Variants in GTPBP4 observed in about 807,000 individuals in gnomAD.
The protein encoded by GTPBP4 is GTP-binding protein 4.
In GTPBP4, 15 loss-of-function variants were observed where a neutral mutation model predicts 81.7. The observed-to-expected ratio is 0.18, with a 90% CI of 0.12 to 0.28. GTPBP4 has a LOEUF of 0.28. Among genes scored for constraint, GTPBP4 ranks in the 10% least tolerant of loss-of-function variants. The probability of loss-of-function intolerance (pLI) is 1.00; values close to 1 mark genes in which losing one functional copy is unlikely to be tolerated. For synonymous variants in GTPBP4, 272 were observed against 274.6 expected (o/e 0.99, Z 0.09); for missense variants, 847 against 793.8 (o/e 1.07, Z -0.81).
intron 10 of GTPBP4, chr10:1,008,164 G>C (rs545166912): frequency 1.3e-4 from 57 of 454,018 alleles, no homozygotes; most frequent in African/African-American, 1.1e-3. Context: ...TGTAATCCCA[G>C]CACTCTGGGA....
chr10:999,034 A>G lies in GTPBP4; in HGVS notation c.593A>G (p.Tyr198Cys). ...VTRADVDVQP[Y>C]AFTTKSLFVG... ...AGAGCAGACGTGGATGTCCAGCCCT[A>G]TGCGTTCACAACCAAGTCTCTGTTT... Residue 198 changes from tyrosine to cysteine, a missense_variant, in exon 6 of 17, where the codon TAT (tyrosine) becomes TGT (cysteine). By Grantham distance (194) the Tyr-to-Cys change is radical. Around this residue, in one of 3 missense-constraint regions of GTPBP4, gnomAD observed 600 missense variants for 557.1 expected, o/e 1.08. Transcript: ENST00000360803. 9.3e-6 allele frequency: 15 copies of G among 1,609,466 alleles called. No homozygotes were observed. Among genetic ancestry groups the G allele is most frequent in the South Asian group, 2.2e-5 (2 of 90,974 alleles).
rs1589028767 is a variant in GTPBP4 at position 1,007,449 on chromosome 10, T to G, written c.1113+321T>G. On this transcript the variant is annotated intron_variant, in intron 10 of 16. Coordinates refer to ENST00000360803, the MANE Select transcript of GTPBP4 (RefSeq NM_012341.3). ...TGTTTCATTCTTTAAATTTTCATTT[T>G]TTTGGCTGGGGGAAGTAGCTCACGC... The G allele has an allele frequency of 1.3e-4, 29 of 231,744 alleles. No homozygotes were observed. In the South Asian group the frequency reaches 1.9e-3, roughly 15 times the overall value. 14.4% of individuals were successfully genotyped at this position (231,744 alleles called of 1,614,324 possible). A position where few individuals can be genotyped will look rare whatever the true frequency, so the allele number is the denominator to read the frequency against.
At chr10:1,009,165 C>A (rs1030012534) in intron 11 of GTPBP4, 130 bp downstream of exon 11, 3 of 662,164 alleles carry the variant, frequency 4.5e-6, no homozygotes, top group Non-Finnish European at 5.3e-6. Flanking sequence ...GCTGCGGACA[C>A]AGCAGTGAGT....
chr10:991,253 C>T (rs1263699416), intron 1 of GTPBP4, among the ~76,000 whole-genome samples: 1 of 152,206 alleles, frequency 6.6e-6, no homozygotes, highest in East Asian at 1.9e-4. Context: ...TCATTATCCT[C>T]AGCACCCAAG....
rs761980036 is a variant in GTPBP4 at position 997,242 on chromosome 10, T to C, written c.495T>C (p.Asp165=). The C allele has an allele frequency of 1.9e-6, 3 of 1,608,496 alleles. No individual in the cohort carries two copies. Among genetic ancestry groups the C allele is most frequent in the South Asian group, 1.1e-5 (1 of 90,948 alleles). The change falls in exon 5 of 17, where the codon GAT becomes GAC. Residue 165 remains aspartate (D), a synonymous_variant. Coordinates refer to ENST00000360803, the MANE Select transcript of GTPBP4 (RefSeq NM_012341.3). ...RQHLSRLPTI[D]PNTRTLLLCG... The stretch of plus-strand genomic sequence containing the variant: ...ATTTATCCCGTTTGCCAACCATTGA[T>C]CCGAATACCAGGACCCTGCTTTTGT...
Position 992,731 on chromosome 10 carries a change from G to A in GTPBP4, c.219+72G>A, listed in dbSNP as rs575113555. The A allele has an allele frequency of 4.6e-6, 4 of 866,156 alleles. No individual in the cohort carries two copies. In the African/African-American group the frequency reaches 6.8e-5, roughly 15 times the overall value. The allele number at this position is 866,156 out of a possible 1,614,324, so 53.7% of individuals were successfully genotyped here. A position where few individuals can be genotyped will look rare whatever the true frequency, so the allele number is the denominator to read the frequency against. ...AGAGAACCAGTGTTTAACCAGTTTG[G>A]TGTACTCATTTGACAGAAAAGGAAA... On this transcript the variant is annotated intron_variant, in intron 2 of 16. Coordinates refer to ENST00000360803, the MANE Select transcript of GTPBP4 (RefSeq NM_012341.3).
chr10:1,019,831 A>C lies in GTPBP4; in HGVS notation c.*2604A>C. On this transcript the variant is annotated 3_prime_UTR_variant, in exon 17 of 17. Transcript: ENST00000360803. ...GTCATGAACACAATGTCCTCTGGAGAAATCTATTGACAGAAATTGGTGCAG... is the reference window on the plus strand; with the variant it reads ...GTCATGAACACAATGTCCTCTGGAGCAATCTATTGACAGAAATTGGTGCAG... 6.2e-7 allele frequency: 1 copy of C among 1,610,276 alleles called. No individual in the cohort carries two copies. Among genetic ancestry groups the C allele is most frequent in the Non-Finnish European group, 8.5e-7 (1 of 1,176,612 alleles).
In GTPBP4 at chr10:1,012,488, A is replaced by G; in HGVS notation, c.1368A>G (p.Glu456=). ...IMKKLEELEK[E]EELRTAAGEY... ...AGAAATTGGAAGAATTAGAAAAAGA[A>G]GAAGAGCTGAGAACAGCTGCTGGAG... Residue 456 remains glutamate (E), a synonymous_variant, in exon 14 of 17, where the codon GAA becomes GAG. Transcript: ENST00000360803. 6.3e-6 allele frequency: 10 copies of G among 1,599,466 alleles called. No individual in the cohort carries two copies. Among genetic ancestry groups the G allele is most frequent in the Non-Finnish European group, 8.5e-6 (10 of 1,174,196 alleles).
chr10:992,930 C>A (rs901399590), intron 2 of GTPBP4, among the ~76,000 whole-genome samples: 5 of 152,150 alleles, frequency 3.3e-5, no homozygotes, highest in African/African-American at 1.2e-4. Flanking sequence ...CTGTGTAAAC[C>A]CTGGGCTTGC....
At chr10:1,004,314 C>T (rs1466604728) in intron 8 of GTPBP4, among the ~76,000 whole-genome samples, 1 of 152,146 alleles carries the variant, frequency 6.6e-6, no homozygotes, top group Non-Finnish European at 1.5e-5. Context: ...GCAGTGACTC[C>T]ATTTCCTGGA....
At position 1,012,542 on chromosome 10, in the gene GTPBP4, C is replaced by T. The variant is rs764666110; in HGVS notation, c.1422C>T (p.Asp474=). Residue 474 remains aspartate (D), a synonymous_variant, in exon 14 of 17, where the codon GAC becomes GAT. Coordinates refer to ENST00000360803, the MANE Select transcript of GTPBP4 (RefSeq NM_012341.3). ...GEYDSVSESE[D]EEMLEIRQLA... ...ATGACAGTGTATCTGAGAGTGAAGACGAAGAGATGCTGGAAATCCGACAGC... is the reference window on the plus strand; with the variant it reads ...ATGACAGTGTATCTGAGAGTGAAGATGAAGAGATGCTGGAAATCCGACAGC... 3.0e-5 allele frequency: 48 copies of T among 1,612,622 alleles called. No homozygotes were observed. The highest frequency in any genetic ancestry group is 3.3e-4 in the Middle Eastern group (2 of 6,076).
chr10:1,001,555 A>G (rs1831633111), intron 8 of GTPBP4, among the ~76,000 whole-genome samples: 1 of 152,228 alleles, frequency 6.6e-6, no homozygotes, highest in African/African-American at 2.4e-5. Flanking sequence ...AGAAGCGTGC[A>G]CTGGTGGAGT....
intron 12 of GTPBP4, 25 bp downstream of exon 12, chr10:1,009,605 T>G (rs1471219333): frequency 1.5e-6 from 2 of 1,344,216 alleles, no homozygotes; most frequent in African/African-American, 2.9e-5. Flanking sequence ...GTGATCATTA[T>G]TATAAAATGC....
rs61731089 is a variant in GTPBP4 at position 1,012,594 on chromosome 10, A to C, written c.1474A>C (p.Lys492Gln). The C allele has an allele frequency of 1.5e-4, 247 of 1,614,148 alleles. No individual in the cohort carries two copies. The African/African-American group carries it at 2.7e-3, about 18-fold the overall frequency. ...QLAKQIREKK[K>Q]LKILESKEKN... ...GGCAAAGCAAATTCGAGAGAAAAAG[A>C]AGTTGAAAATTCTGGAGTCCAAAGA... Residue 492 changes from lysine (K) to glutamine (Q), a missense_variant, in exon 14 of 17, where the codon AAG becomes CAG. Lys to Gln is a moderately conservative substitution (Grantham distance 53). This residue lies in a region of GTPBP4 where 600 missense variants were observed against 557.1 expected (regional missense o/e 1.08). Coordinates refer to ENST00000360803, the MANE Select transcript of GTPBP4 (RefSeq NM_012341.3).
chr10:1,000,235 C>CTTTTTT (rs11331615), intron 6 of GTPBP4, among the ~76,000 whole-genome samples: 10 of 49,294 alleles, frequency 2.0e-4, no homozygotes, highest in African/African-American at 3.9e-4. Flanking sequence ...GGGAGACCTA[C>CTTTTTT]TTTTTTTTTT....
chr10:997,679 TC>T (rs1208104302), intron 5 of GTPBP4, among the ~76,000 whole-genome samples: 1 of 152,262 alleles, frequency 6.6e-6, no homozygotes, highest in East Asian at 1.9e-4. Context: ...GGGGAGGTTT[TC>T]TTGGGTGTTG....
intron 14 of GTPBP4, among the ~76,000 whole-genome samples, chr10:1,013,482 C>T (rs182444786): frequency 0.11 from 12,427 of 109,736 alleles, 649 homozygotes; most frequent in East Asian, 0.18. Context: ...TGGTGGCGGG[C>T]GCCTGTAGTC....
chr10:996,594 G>C (rs188549598), intron 4 of GTPBP4: 1 of 168,016 alleles, frequency 6.0e-6, no homozygotes, highest in South Asian at 1.9e-4. Context: ...CTGAATTAAT[G>C]TACTAGGATT....
chr10:1,010,833 C>A (rs1831843735), intron 13 of GTPBP4, among the ~76,000 whole-genome samples: 1 of 87,106 alleles, frequency 1.1e-5, no homozygotes, highest in Non-Finnish European at 2.2e-5. Flanking sequence ...TGCACCTCTT[C>A]CCTGTCCCGA....
Sources: gnomAD v4.1 joint callset for allele counts (sites outside exome capture counted in the v4.1 genomes callset) on GRCh38, gnomAD v4.1.1 for gene constraint, gnomAD v4.1.1 regional missense constraint, MANE v1.5 for transcripts, NCBI Gene and HGNC (gene_info 2026-07-23, HGNC 2026-07-21) for gene names.